Variants in BCAS3 observed in about 807,000 individuals in gnomAD.
The protein encoded by BCAS3 is BCAS4/BCAS3 fusion.
A neutral mutation model predicts 116.1 loss-of-function variants in BCAS3; 53 were observed. The observed-to-expected ratio is 0.46, with a 90% CI of 0.37 to 0.57. BCAS3 has a LOEUF of 0.57. Among genes scored for constraint, BCAS3 ranks in the 20% least tolerant of loss-of-function variants. The probability of loss-of-function intolerance (pLI) is 0.00; values close to 1 mark genes in which losing one functional copy is unlikely to be tolerated. For synonymous variants in BCAS3, 391 were observed against 408.2 expected (o/e 0.96, Z 0.51); for missense variants, 917 against 1,165.4 (o/e 0.79, Z 3.10).
chr17:60,807,634 T>A (rs759354723), intron 6 of BCAS3, among the ~76,000 whole-genome samples: 2 of 151,996 alleles, frequency 1.3e-5, no homozygotes, highest in Non-Finnish European at 2.9e-5. Context: ...ATACAAAAAT[T>A]AGCCGGGCAT....
rs2061547592 is a variant in BCAS3 at position 60,964,147 on chromosome 17, T to G, written c.1221+16795T>G. ...AGGAAAGGCCTTCATTTTTTCCCTG[T>G]TCCGTATGATGGTAGCTGTGGATTT... is the stretch of plus-strand genomic sequence containing the variant. On this transcript the variant is annotated intron_variant, in intron 14 of 23. Transcript: ENST00000407086. The surrounding 1 kb of genome is among the most constrained non-coding windows in gnomAD (Gnocchi z 4.6). Among the ~76,000 whole-genome samples the G allele has an allele frequency of 6.6e-6, 1 of 152,230 alleles. No individual in the cohort carries two copies. The highest frequency in any genetic ancestry group is 1.9e-4 in the East Asian group (1 of 5,198).
At chr17:61,016,058 T>C (rs544656023) in intron 16 of BCAS3, among the ~76,000 whole-genome samples, 157 bp downstream of exon 16, 3 of 152,340 alleles carry the variant, frequency 2.0e-5, no homozygotes, top group Non-Finnish European at 4.4e-5. Context: ...AGCATAGAAC[T>C]TGCACAAGCA....
At chr17:60,936,192 C>T (rs1465319047) in intron 13 of BCAS3, among the ~76,000 whole-genome samples, 1 of 151,304 alleles carries the variant, frequency 6.6e-6, no homozygotes, top group Non-Finnish European at 1.5e-5. Flanking sequence ...ATGAACTCAT[C>T]CTTTTTTATG....
chr17:61,294,855 G>T (rs905463024), intron 22 of BCAS3, among the ~76,000 whole-genome samples: 8 of 152,266 alleles, frequency 5.3e-5, no homozygotes, highest in African/African-American at 1.7e-4. Context: ...TGAGACTTCT[G>T]GTCCATTGCT....
chr17:60,932,471 G>T (rs1045102767), intron 13 of BCAS3, among the ~76,000 whole-genome samples: 2 of 152,170 alleles, frequency 1.3e-5, no homozygotes, highest in Admixed American at 1.3e-4. Flanking sequence ...GCCGGGCACG[G>T]TGGCTCACGC....
At chr17:61,288,233 G>T (rs928225458) in intron 22 of BCAS3, among the ~76,000 whole-genome samples, 37 of 152,204 alleles carry the variant, frequency 2.4e-4, no homozygotes, top group Admixed American at 1.6e-3. Context: ...GTCTTTGATG[G>T]CTTGCTGTGC....
chr17:61,248,511 G>C lies in BCAS3; in HGVS notation c.2426-119816G>C, dbSNP rs2048145480. On this transcript the variant is annotated intron_variant, in intron 22 of 23. Coordinates refer to ENST00000407086, the MANE Select transcript of BCAS3 (RefSeq NM_017679.5). The surrounding 1 kb of genome is among the most constrained non-coding windows in gnomAD (Gnocchi z 4.3). ...TGGCATGAATTCCCAGAGAGCCTTG[G>C]GCCTTGGGAGGAGGGGTAATATACA... Among the ~76,000 whole-genome samples the C allele has an allele frequency of 6.6e-6, 1 of 152,128 alleles. No homozygotes were observed. The highest frequency in any genetic ancestry group is 2.1e-4 in the South Asian group (1 of 4,814).
chr17:61,171,469 G>A lies in BCAS3; in HGVS notation c.2425+86905G>A, dbSNP rs78012431. On this transcript the variant is annotated intron_variant, in intron 22 of 23. Coordinates refer to ENST00000407086, the MANE Select transcript of BCAS3 (RefSeq NM_017679.5). The surrounding 1 kb of genome is among the most constrained non-coding windows in gnomAD (Gnocchi z 4.1). ...ATCAAAAGTCATATTGAATGTAAAT[G>A]GTCTAAACACTCAATTAAAAGACAG... Among the ~76,000 whole-genome samples the A allele has an allele frequency of 7.2e-3, 1,089 of 152,076 alleles. 8 individuals are homozygous for A. Among genetic ancestry groups the A allele is most frequent in the African/African-American group, 0.025 (1,027 of 41,448 alleles).
At chr17:61,275,863 T>G (rs1415375591) in intron 22 of BCAS3, among the ~76,000 whole-genome samples, 1 of 152,166 alleles carries the variant, frequency 6.6e-6, no homozygotes, top group African/African-American at 2.4e-5. Context: ...CTCATGGAAA[T>G]TTTTCTTATG....
At position 61,198,459 on chromosome 17, in the gene BCAS3, T is replaced by C. The variant is rs2080629375; in HGVS notation, c.2425+113895T>C. Among the ~76,000 whole-genome samples the C allele has an allele frequency of 6.6e-6, 1 of 152,220 alleles. No individual in the cohort carries two copies. Among genetic ancestry groups the C allele is most frequent in the Non-Finnish European group, 1.5e-5 (1 of 68,042 alleles). The stretch of plus-strand genomic sequence containing the variant: ...CCAGCCCGATATGTTGATTTTCAAA[T>C]AATTCATTAATTTAAGTATTTTCTT... On this transcript the variant is annotated intron_variant, in intron 22 of 23. Transcript: ENST00000407086. The surrounding 1 kb of genome is among the most constrained non-coding windows in gnomAD (Gnocchi z 5.0).
At position 61,332,426 on chromosome 17, in the gene BCAS3, G is replaced by A. The variant is rs982381064; in HGVS notation, c.2426-35901G>A. ...GGGAGCCCCTGCTTGCCATGTTTGT[G>A]AGGGGCAAACACTTCACTGGTTGGT... On this transcript the variant is annotated intron_variant, in intron 22 of 23. Coordinates refer to ENST00000407086, the MANE Select transcript of BCAS3 (RefSeq NM_017679.5). This position sits in a 1 kb window ranked among gnomAD's most constrained non-coding sequence, Gnocchi z 5.4. Among the ~76,000 whole-genome samples, 1 of 152,046 alleles carries A rather than the reference G, an allele frequency of 6.6e-6. No homozygotes were observed.
chr17:60,976,591 C>A (rs1019957789), intron 14 of BCAS3, among the ~76,000 whole-genome samples: 1 of 152,060 alleles, frequency 6.6e-6, no homozygotes, highest in African/African-American at 2.4e-5. Flanking sequence ...CTGCCGCCTT[C>A]CACAGTGTTT....
intron 8 of BCAS3, among the ~76,000 whole-genome samples, chr17:60,872,115 T>C (rs541039463): frequency 8.5e-5 from 13 of 152,120 alleles, no homozygotes; most frequent in East Asian, 7.7e-4. Context: ...TTTCCATTTT[T>C]CAGTTTTAAG....
chr17:61,245,178 G>A (rs1011736293), intron 22 of BCAS3: 6 of 152,130 alleles, frequency 3.9e-5, no homozygotes, highest in African/African-American at 1.4e-4. Context: ...AGAAGAATGA[G>A]TGCCCAGTGA....
intron 22 of BCAS3, among the ~76,000 whole-genome samples, chr17:61,284,820 C>G (rs1396906729): frequency 6.6e-6 from 1 of 152,206 alleles, no homozygotes; most frequent in African/African-American, 2.4e-5. Flanking sequence ...AGGAAAGCCT[C>G]CACTCAACAG....
intron 22 of BCAS3, among the ~76,000 whole-genome samples, chr17:61,242,374 A>G (rs1049952963): frequency 6.6e-6 from 1 of 152,026 alleles, no homozygotes; most frequent in Non-Finnish European, 1.5e-5. Flanking sequence ...TAGCCCTTTG[A>G]CAAGTCTCAC....
At chr17:61,334,202 T>TTCAA (rs1164111441) in intron 22 of BCAS3, among the ~76,000 whole-genome samples, 1 of 151,936 alleles carries the variant, frequency 6.6e-6, no homozygotes, top group Non-Finnish European at 1.5e-5. Flanking sequence ...TGAACACAGA[T>TTCAA]GAGAGAGGGA....
rs1195032476 is a variant in BCAS3 at position 60,962,642 on chromosome 17, T to G, written c.1221+15290T>G. ...GCTCTTTATATATTATAGTTATAAA[T>G]TCTTTGTCAGATGGATAGTTTGCAA... On this transcript the variant is annotated intron_variant, in intron 14 of 23. Coordinates refer to ENST00000407086, the MANE Select transcript of BCAS3 (RefSeq NM_017679.5). This position sits in a 1 kb window ranked among gnomAD's most constrained non-coding sequence, Gnocchi z 4.4. Among the ~76,000 whole-genome samples the G allele has an allele frequency of 6.6e-6, 1 of 152,164 alleles. No individual in the cohort carries two copies. Among genetic ancestry groups the G allele is most frequent in the Non-Finnish European group, 1.5e-5 (1 of 68,028 alleles).
At chr17:61,272,816 T>C (rs2050424047) in intron 22 of BCAS3, among the ~76,000 whole-genome samples, 1 of 152,106 alleles carries the variant, frequency 6.6e-6, no homozygotes, top group African/African-American at 2.4e-5. Context: ...TCTCTTGATA[T>C]CTGCCCCAAT....
Sources: allele counts gnomAD v4.1 joint callset (sites outside exome capture counted in the v4.1 genomes callset), GRCh38; gene constraint gnomAD v4.1.1; non-coding constraint Gnocchi (gnomAD v3.1); transcripts MANE v1.5; gene names NCBI Gene and HGNC (gene_info 2026-07-23, HGNC 2026-07-21).